C10orf71: variants seen among roughly 807,000 people sequenced by gnomAD.
C10orf71 encodes the protein chromosome 10 open reading frame 71.
For synonymous variants in C10orf71, 758 were observed against 726.3 expected (o/e 1.04, Z -0.70); for missense variants, 1,869 against 1,804.5 (o/e 1.04, Z -0.65).
At chr10:49,305,149 G>A (rs1167640715) in intron 1 of C10orf71, among the ~76,000 whole-genome samples, 1 of 152,204 alleles carries the variant, frequency 6.6e-6, no homozygotes, top group African/African-American at 2.4e-5. Flanking sequence ...ACATCTTATG[G>A]CCATAGGTCT....
chr10:49,312,454 A>C (rs1848931831), intron 1 of C10orf71, among the ~76,000 whole-genome samples: 2 of 152,224 alleles, frequency 1.3e-5, no homozygotes, highest in African/African-American at 4.8e-5. Context: ...CCAGCATTTC[A>C]TCCACTGACC....
intron 1 of C10orf71, among the ~76,000 whole-genome samples, chr10:49,310,810 G>A (rs1462248012): frequency 6.6e-6 from 1 of 152,108 alleles, no homozygotes; most frequent in South Asian, 2.1e-4. Flanking sequence ...TGGTGATGAT[G>A]ATGATGATGA....
At position 49,323,790 on chromosome 10, in the gene C10orf71, C is replaced by G. The variant is rs1188223661; in HGVS notation, c.1245C>G (p.His415Gln). 1 of 1,614,002 alleles carries G rather than the reference C, an allele frequency of 6.2e-7. No homozygotes were observed. The highest frequency in any genetic ancestry group is 1.7e-5 in the Admixed American group (1 of 60,026). Reference sequence around the variant, plus strand: ...GAGGCCCACCTTTGTATACAAAACACAACCCCCAGGAACAGTTTTCAGAAA... The same window carrying G: ...GAGGCCCACCTTTGTATACAAAACAGAACCCCCAGGAACAGTTTTCAGAAA... ...NQRGPPLYTK[H>Q]NPQEQFSENN... Residue 415 changes from histidine to glutamine, a missense_variant, in exon 3 of 3, where the codon CAC becomes CAG. Coordinates refer to ENST00000374144, the MANE Select transcript of C10orf71 (RefSeq NM_001135196.2).
upstream of C10orf71, among the ~76,000 whole-genome samples, chr10:49,297,780 A>G (rs971048431): frequency 6.6e-6 from 1 of 152,198 alleles, no homozygotes; most frequent in Non-Finnish European, 1.5e-5. Flanking sequence ...TCTCAAGTTG[A>G]TGGCTTTTGT....
At position 49,324,277 on chromosome 10, in the gene C10orf71, G is replaced by A. The variant is rs771359282; in HGVS notation, c.1732G>A (p.Ala578Thr). Reference protein sequence around the residue: ...SHINPQKDPTADPSEPSADSY... With the variant: ...SHINPQKDPTTDPSEPSADSY... ...CATCAATCCCCAGAAGGACCCTACA[G>A]CTGACCCCAGTGAGCCCTCTGCAGA... The change falls in exon 3 of 3, where the codon GCT becomes ACT. Residue 578 changes from alanine to threonine, a missense_variant. Coordinates refer to ENST00000374144, the MANE Select transcript of C10orf71 (RefSeq NM_001135196.2). 15 of 1,613,918 alleles carry A rather than the reference G, an allele frequency of 9.3e-6. No homozygotes were observed. In the South Asian group the frequency reaches 1.6e-4, roughly 18 times the overall value.
intron 1 of C10orf71, among the ~76,000 whole-genome samples, chr10:49,302,471 T>C (rs985196193): frequency 4.6e-5 from 7 of 152,338 alleles, no homozygotes; most frequent in Non-Finnish European, 8.8e-5. Flanking sequence ...GTGGAAATCA[T>C]TGGCTTCAGA....
At position 49,322,452 on chromosome 10, in the gene C10orf71, C is replaced by A. The variant is rs1160683980; in HGVS notation, c.-94C>A. 2 of 1,411,096 alleles carry A rather than the reference C, an allele frequency of 1.4e-6. No homozygotes were observed. Among genetic ancestry groups the A allele is most frequent in the Admixed American group, 5.8e-5 (2 of 34,536 alleles). The allele number at this position is 1,411,096 out of a possible 1,614,324, so 87.4% of individuals were successfully genotyped here. A position where few individuals can be genotyped will look rare whatever the true frequency, so the allele number is the denominator to read the frequency against. ...AATTGCATCTGGTCAATGAGAGGCT[C>A]TAGTTTTGGGGAAGAGGGAAACACC... On this transcript the variant is annotated 5_prime_UTR_variant, in exon 3 of 3. Transcript: ENST00000374144.
rs142187476 is a variant in C10orf71, at chr10:49,327,158, C to T, written c.*305C>T. On this transcript the variant is annotated 3_prime_UTR_variant, in exon 3 of 3. Transcript: ENST00000374144. ...TCTCCCTCCCTCCCTTCCTCCCTCT[C>T]CTGGCCCACCCTGCTCTTCCCTCGC... The T allele has an allele frequency of 1.5e-4, 120 of 820,038 alleles. No homozygotes were observed. In the East Asian group the frequency reaches 4.4e-3, roughly 30 times the overall value. The allele number at this position is 820,038 out of a possible 1,614,324, so 50.8% of individuals were successfully genotyped here.
chr10:49,323,529 G>A lies in C10orf71; in HGVS notation c.984G>A (p.Gln328=). 1.2e-6 allele frequency: 2 copies of A among 1,610,826 alleles called. No individual in the cohort carries two copies. Among genetic ancestry groups the A allele is most frequent in the Non-Finnish European group, 1.7e-6 (2 of 1,177,682 alleles). ...PERTVSPCQV[Q]ASCSQEENRL... Reference sequence around the variant, plus strand: ...GCACAGTCTCTCCCTGCCAGGTCCAGGCCAGCTGCAGTCAGGAAGAGAACA... The same window carrying A: ...GCACAGTCTCTCCCTGCCAGGTCCAAGCCAGCTGCAGTCAGGAAGAGAACA... Residue 328 remains glutamine, a synonymous_variant, in exon 3 of 3, where the codon CAG becomes CAA. Coordinates refer to ENST00000374144, the MANE Select transcript of C10orf71 (RefSeq NM_001135196.2).
chr10:49,326,713 G>T lies in C10orf71; in HGVS notation c.4168G>T (p.Gly1390Cys). The T allele has an allele frequency of 6.4e-7, 1 of 1,551,132 alleles. No homozygotes were observed. The highest frequency in any genetic ancestry group is 8.7e-7 in the Non-Finnish European group (1 of 1,146,964). ...SGLQLDPGPH[G>C]DCTPHSAGQR... ...ACTACAGCTGGACCCAGGGCCTCAC[G>T]GTGACTGCACCCCGCACTCTGCAGG... Residue 1390 changes from glycine (G) to cysteine (C), a missense_variant, in exon 3 of 3, where the codon GGT becomes TGT. Coordinates refer to ENST00000374144, the MANE Select transcript of C10orf71 (RefSeq NM_001135196.2).
Position 49,326,723 on chromosome 10 carries a change from C to A in C10orf71, c.4178C>A (p.Thr1393Asn), listed in dbSNP as rs1400950552. Residue 1393 changes from threonine to asparagine, a missense_variant, in exon 3 of 3, where the codon ACC becomes AAC. By Grantham distance (65) the Thr-to-Asn change is moderately conservative. Transcript: ENST00000374144. ...GACCCAGGGCCTCACGGTGACTGCA[C>A]CCCGCACTCTGCAGGCCAGCGCCCT... ...QLDPGPHGDC[T>N]PHSAGQRPHG... 1 of 1,551,208 alleles carries A rather than the reference C, an allele frequency of 6.4e-7. No homozygotes were observed.
In C10orf71 at chr10:49,324,337, G is replaced by C. The variant is rs769272748; in HGVS notation, c.1792G>C (p.Ala598Pro). ...YLTLSTAPTIAKAPFYVNGEA... is the reference protein window; with the variant it reads ...YLTLSTAPTIPKAPFYVNGEA... The stretch of plus-strand genomic sequence containing the variant: ...AACTCTTAGCACAGCTCCGACTATC[G>C]CCAAAGCCCCCTTCTATGTCAATGG... The change falls in exon 3 of 3, where the codon GCC becomes CCC. Residue 598 changes from alanine to proline, a missense_variant. By Grantham distance (27) the Ala-to-Pro change is conservative (BLOSUM62 -1). Coordinates refer to ENST00000374144, the MANE Select transcript of C10orf71 (RefSeq NM_001135196.2). 5.0e-6 allele frequency: 8 copies of C among 1,613,502 alleles called. No individual in the cohort carries two copies. In the African/African-American group the frequency reaches 1.1e-4, roughly 22 times the overall value.
At chr10:49,321,905 G>A (rs1849099938) in intron 2 of C10orf71, among the ~76,000 whole-genome samples, 1 of 152,032 alleles carries the variant, frequency 6.6e-6, no homozygotes, top group African/African-American at 2.4e-5. Flanking sequence ...GCGGGTTTGG[G>A]GTTTTGTTTC....
At chr10:49,297,606 A>C (rs1564679782), upstream of C10orf71, among the ~76,000 whole-genome samples, 1 of 152,248 alleles carries the variant, frequency 6.6e-6, no homozygotes, top group South Asian at 2.1e-4. Context: ...ATTCATGTAC[A>C]TGAGCTCCCC....
In C10orf71 at chr10:49,324,370, G is replaced by A. The variant is rs374327949; in HGVS notation, c.1825G>A (p.Ala609Thr). ...CCCCTTCTATGTCAATGGGGAGGCT[G>A]CTGAGAGAAGCAGTTATGAGAACAA... Reference protein sequence around the residue: ...KAPFYVNGEAAERSSYENKEV... With the variant: ...KAPFYVNGEATERSSYENKEV... Residue 609 changes from alanine (A) to threonine (T), a missense_variant, in exon 3 of 3, where the codon GCT (alanine) becomes ACT (threonine). By Grantham distance (58) the Ala-to-Thr change is moderately conservative (BLOSUM62 0). Coordinates refer to ENST00000374144, the MANE Select transcript of C10orf71 (RefSeq NM_001135196.2). The A allele has an allele frequency of 1.2e-5, 20 of 1,613,760 alleles. No homozygotes were observed. In the Middle Eastern group the frequency reaches 8.2e-4, roughly 67 times the overall value.
intron 1 of C10orf71, among the ~76,000 whole-genome samples, chr10:49,302,836 C>T (rs528392253): frequency 2.6e-5 from 4 of 152,252 alleles, no homozygotes; most frequent in Non-Finnish European, 4.4e-5. Flanking sequence ...TTCCACACTG[C>T]GCTTGGAAGC....
chr10:49,299,793 T>A (rs1848693883), intron 1 of C10orf71, among the ~76,000 whole-genome samples: 1 of 152,196 alleles, frequency 6.6e-6, no homozygotes, highest in South Asian at 2.1e-4. Context: ...GTCCCAGGTT[T>A]TCAGCATTCA....
intron 1 of C10orf71, among the ~76,000 whole-genome samples, chr10:49,309,149 G>A (rs870369): frequency 0.4 from 60,279 of 152,082 alleles, 12,608 homozygotes; most frequent in Non-Finnish European, 0.47. Flanking sequence ...TCACCTGAAG[G>A]ACTTCAACTG....
chr10:49,300,461 C>CAAAAA (rs60669434), intron 1 of C10orf71, among the ~76,000 whole-genome samples: 8 of 108,572 alleles, frequency 7.4e-5, no homozygotes, highest in African/African-American at 1.6e-4. Context: ...CAATTTAATA[C>CAAAAA]AAAAAAAAAA....
Sources: allele counts gnomAD v4.1 joint callset (sites outside exome capture counted in the v4.1 genomes callset), GRCh38; gene constraint gnomAD v4.1.1; transcripts MANE v1.5; gene names NCBI Gene and HGNC (gene_info 2026-07-23, HGNC 2026-07-21).